Variants in QPCT observed in about 807,000 individuals in gnomAD.
The protein encoded by QPCT is glutaminyl-peptide cyclotransferase, also known as EC.
A neutral mutation model predicts 43.4 loss-of-function variants in QPCT; 44 were observed. The ratio of observed to expected loss-of-function variants is 1.01; its 90% CI spans 0.80 to 1.30. The LOEUF is 1.30. Among genes scored for constraint, QPCT ranks in the 50% most tolerant of loss-of-function variants. The pLI is 0.00. For synonymous variants in QPCT, 168 were observed against 168.4 expected, an observed-to-expected ratio of 1.00 and a Z score of 0.02; for missense variants, 526 against 436.5, an observed-to-expected ratio of 1.21 and a Z score of -1.83.
At chr2:37,354,426 C>A (rs1465133321) in intron 2 of QPCT, among the ~76,000 whole-genome samples, 1 of 152,194 alleles carries the variant, frequency 6.6e-6, no homozygotes, top group African/African-American at 2.4e-5. Context: ...TAGATCATCT[C>A]ATTCAGCCTT....
Position 37,369,774 on chromosome 2 carries a change from T to A in QPCT, c.813T>A (p.Leu271=). 1 of 1,578,378 alleles carries A rather than the reference T, an allele frequency of 6.3e-7. No individual in the cohort carries two copies. ...ACTCAGCCAGGTGGTTCGAAAGACT[T>A]CAAGCAATTGGTAAGCACCACTGTT... is the stretch of plus-strand genomic sequence containing the variant. ...FPNSARWFER[L]QAIEHELHEL... Residue 271 remains leucine, a synonymous_variant, in exon 5 of 7, where the codon CTT becomes CTA. Transcript: ENST00000338415.
chr2:37,362,456 G>A (rs1017474416), intron 3 of QPCT, among the ~76,000 whole-genome samples: 2 of 152,166 alleles, frequency 1.3e-5, no homozygotes, highest in East Asian at 1.9e-4. Context: ...GAGTTATGGA[G>A]GATTCAAATC....
intron 3 of QPCT, among the ~76,000 whole-genome samples, chr2:37,360,844 C>T (rs1263782260): frequency 6.6e-6 from 1 of 152,116 alleles, no homozygotes; most frequent in Non-Finnish European, 1.5e-5. Context: ...AGTTTCCTTC[C>T]CCAGCAATTG....
At chr2:37,360,071 C>T (rs1572733784) in intron 3 of QPCT, 1 of 564,306 alleles carries the variant, frequency 1.8e-6, no homozygotes, top group East Asian at 3.0e-5. Flanking sequence ...CATTAATTGG[C>T]ACCTGATTTA....
chr2:37,355,244 A>G (rs1445569832), intron 2 of QPCT, among the ~76,000 whole-genome samples: 2 of 152,202 alleles, frequency 1.3e-5, no homozygotes, highest in African/African-American at 2.4e-5. Flanking sequence ...TTAGAGACCT[A>G]TCTTCTAAGC....
chr2:37,347,159 T>TA lies in QPCT; in HGVS notation c.120+2309dup, dbSNP rs1553384211. ...ATGGGGTGTTTTATATATATATATA[T>TA]ATATAACATATATATATATAACATA... On this transcript the variant is annotated intron_variant, in intron 1 of 6. Coordinates refer to ENST00000338415, the MANE Select transcript of QPCT (RefSeq NM_012413.4). 1.3e-4 allele frequency among the ~76,000 whole-genome samples: 9 copies of TA among 68,704 alleles called. 2 individuals carry two copies. The East Asian group carries it at 0.014, about 104-fold the overall frequency. 45.1% of individuals were successfully genotyped at this position (68,704 alleles called of 152,430 possible).
intron 1 of QPCT, among the ~76,000 whole-genome samples, chr2:37,346,624 C>A (rs1005139336): frequency 2.6e-5 from 4 of 152,116 alleles, no homozygotes; most frequent in Non-Finnish European, 5.9e-5. Context: ...AAGCATGAAT[C>A]CCTTTTATAT....
intron 5 of QPCT, among the ~76,000 whole-genome samples, chr2:37,371,791 G>C (rs553823591): frequency 7.9e-5 from 12 of 152,314 alleles, no homozygotes; most frequent in African/African-American, 2.9e-4. Flanking sequence ...CTGTAAGTCT[G>C]AGATGGGACC....
Position 37,344,674 on chromosome 2 carries a change from T to A in QPCT, c.-58T>A, listed in dbSNP as rs962303490. On this transcript the variant is annotated 5_prime_UTR_variant, in exon 1 of 7. Transcript: ENST00000338415. ...AAGAGGGAAGGCGAAGGACGCGCGTTCCCGGGCTCGTGACCGCCAGCGGCC... is the reference window on the plus strand; with the variant it reads ...AAGAGGGAAGGCGAAGGACGCGCGTACCCGGGCTCGTGACCGCCAGCGGCC... 57 of 1,547,604 alleles carry A rather than the reference T, an allele frequency of 3.7e-5. No homozygotes were observed. Among genetic ancestry groups the A allele is most frequent in the Admixed American group, 1.4e-4 (7 of 51,424 alleles).
At chr2:37,371,278 T>A (rs2373001) in intron 5 of QPCT, among the ~76,000 whole-genome samples, 1 of 151,710 alleles carries the variant, frequency 6.6e-6, no homozygotes, top group Non-Finnish European at 1.5e-5. Context: ...AATGAACTTA[T>A]GCCAATAACT....
intron 3 of QPCT, among the ~76,000 whole-genome samples, chr2:37,362,501 G>A (rs1672873243): frequency 6.6e-6 from 1 of 152,188 alleles, no homozygotes; most frequent in African/African-American, 2.4e-5. Context: ...GTATAATTAA[G>A]GAGCAATATG....
intron 4 of QPCT, among the ~76,000 whole-genome samples, chr2:37,368,921 A>G (rs1163009974): frequency 6.6e-6 from 1 of 152,212 alleles, no homozygotes; most frequent in Non-Finnish European, 1.5e-5. Context: ...ATTTTTTCCT[A>G]TGATGAATAT....
chr2:37,348,049 T>TCTCTCC (rs2124930720), intron 1 of QPCT, among the ~76,000 whole-genome samples: 1 of 137,486 alleles, frequency 7.3e-6, no homozygotes, highest in East Asian at 2.5e-4. Context: ...TCTCTCTCTC[T>TCTCTCC]CTGCGCGCGC....
At chr2:37,356,003 C>T (rs915308618) in intron 2 of QPCT, among the ~76,000 whole-genome samples, 2 of 152,050 alleles carry the variant, frequency 1.3e-5, no homozygotes, top group Non-Finnish European at 2.9e-5. Context: ...AAGAGGTACC[C>T]GAGTCTTCAG....
intron 5 of QPCT, among the ~76,000 whole-genome samples, chr2:37,371,431 CAAAAAA>C (rs3050580): frequency 5.8e-5 from 4 of 69,378 alleles, no homozygotes; most frequent in Non-Finnish European, 8.8e-5. Flanking sequence ...GACTCCATCT[CAAAAAA>C]AAAAAAAAAA....
intron 1 of QPCT, among the ~76,000 whole-genome samples, chr2:37,345,308 G>T (rs1672460845): frequency 1.3e-5 from 1 of 76,254 alleles, no homozygotes; most frequent in Non-Finnish European, 3.6e-5. Context: ...TGCTGCTGGG[G>T]CGCTGAAGTG....
At chr2:37,365,681 C>A (rs1381772405) in intron 3 of QPCT, among the ~76,000 whole-genome samples, 6 of 152,132 alleles carry the variant, frequency 3.9e-5, no homozygotes, top group Admixed American at 3.9e-4. Context: ...GAGCAATGTC[C>A]TTGAGCAGAT....
At chr2:37,356,050 C>A (rs1672738621) in intron 2 of QPCT, among the ~76,000 whole-genome samples, 1 of 152,170 alleles carries the variant, frequency 6.6e-6, no homozygotes, top group Non-Finnish European at 1.5e-5. Flanking sequence ...GATGTGTTTG[C>A]AGACTTAACA....
rs567983251 is a variant in QPCT at position 37,348,839 on chromosome 2, C to G, written c.121-3950C>G. On this transcript the variant is annotated intron_variant, in intron 1 of 6. Transcript: ENST00000338415. ...CACCAATAGAAAATTGTCTAAGTGTCTTTTAACTGAGATAAACCTACAATA... is the reference window on the plus strand; with the variant it reads ...CACCAATAGAAAATTGTCTAAGTGTGTTTTAACTGAGATAAACCTACAATA... 8.5e-5 allele frequency among the ~76,000 whole-genome samples: 13 copies of G among 152,314 alleles called. No individual in the cohort carries two copies. In the South Asian group the frequency reaches 2.7e-3, roughly 32 times the overall value.
Sources: allele counts gnomAD v4.1 joint callset (sites outside exome capture counted in the v4.1 genomes callset), GRCh38; gene constraint gnomAD v4.1.1; transcripts MANE v1.5; gene names NCBI Gene and HGNC (gene_info 2026-07-23, HGNC 2026-07-21).